The following JAKMIP1 variants were observed in gnomAD, a reference collection of about 807,000 sequenced individuals.
JAKMIP1 encodes the protein janus kinase and microtubule-interacting protein 1.
A neutral mutation model predicts 113.0 loss-of-function variants in JAKMIP1; 33 were observed. That is an observed-to-expected ratio of 0.29 (90% CI 0.22 to 0.39). The LOEUF is 0.39. Ranked by LOEUF, JAKMIP1 falls within the 10% of genes least tolerant of loss-of-function variation. The pLI, the probability that JAKMIP1 is intolerant of heterozygous loss-of-function variation, is 1.00. For missense variants in JAKMIP1, 813 were observed against 1,080.5 expected (o/e 0.75, Z 3.47); for synonymous variants, 480 against 459.9 (o/e 1.04, Z -0.56).
chr4:6,031,535 G>A lies in JAKMIP1; in HGVS notation c.2380-1754C>T, dbSNP rs138148772. 4.6e-5 allele frequency among the ~76,000 whole-genome samples: 7 copies of A among 152,320 alleles called. No individual in the cohort carries two copies. In the East Asian group the frequency reaches 1.2e-3, roughly 25 times the overall value. On this transcript the variant is annotated intron_variant, in intron 19 of 20. Transcript: ENST00000409021. The surrounding 1 kb of genome is among the most constrained non-coding windows in gnomAD (Gnocchi z 4.4). The stretch of plus-strand genomic sequence containing the variant: ...CAAGAGGGGAAAGGAATTCCAGGCA[G>A]AGGGAACGGCATGTGCAGGAGGCCA...
intron 1 of JAKMIP1, among the ~76,000 whole-genome samples, chr4:6,132,617 G>T (rs1252998227): frequency 6.8e-6 from 1 of 148,118 alleles, no homozygotes; most frequent in Non-Finnish European, 1.5e-5. Flanking sequence ...ACTCCAGCCT[G>T]TGTGACAGAG....
At position 6,062,353 on chromosome 4, in the gene JAKMIP1, C is replaced by T; in HGVS notation, c.1519G>A (p.Glu507Lys). 1 of 1,613,556 alleles carries T rather than the reference C, an allele frequency of 6.2e-7. No homozygotes were observed. The highest frequency in any genetic ancestry group is 8.5e-7 in the Non-Finnish European group (1 of 1,179,988). The change falls in exon 10 of 21, where the codon GAG becomes AAG. Residue 507 changes from glutamate (E) to lysine (K), a missense_variant. Physicochemically the swap from Glu to Lys is moderately conservative, Grantham distance 56. Around this residue, in one of 2 missense-constraint regions of JAKMIP1, gnomAD observed 273 missense variants for 426.6 expected, o/e 0.64. Coordinates refer to ENST00000409021, the MANE Select transcript of JAKMIP1 (RefSeq NM_001099433.2). ...GCGTCCAGCGTGCCTCCCACCTGCT[C>T]CTGGAGCAGGGCGTAGGCGCGTTGC... The part of the protein sequence containing the change: ...ALQRAYALLQ[E>K]QVGGTLDAER...
In JAKMIP1 at chr4:6,140,109, T is replaced by C. The variant is rs940436490; in HGVS notation, c.-147-27112A>G. ...TAGATGGATTGAGATGTACTGAGAA[T>C]AGCTATGAACTATTGTCCCAGTTTT... On this transcript the variant is annotated intron_variant, in intron 1 of 20. Coordinates refer to ENST00000409021, the MANE Select transcript of JAKMIP1 (RefSeq NM_001099433.2). The surrounding 1 kb of genome is among the most constrained non-coding windows in gnomAD (Gnocchi z 9.4). Among the ~76,000 whole-genome samples the C allele has an allele frequency of 9.8e-5, 15 of 152,288 alleles. 1 individual carries two copies. The highest frequency in any genetic ancestry group is 7.8e-4 in the Admixed American group (12 of 15,306).
At chr4:6,118,161 A>G (rs1280432774) in intron 1 of JAKMIP1, among the ~76,000 whole-genome samples, 2 of 152,258 alleles carry the variant, frequency 1.3e-5, no homozygotes, top group East Asian at 3.8e-4. Context: ...GACAGGCATA[A>G]GAAATTACAA....
rs970797678 is a variant in JAKMIP1, at chr4:6,179,476, C to T, written c.-148+20777G>A. Among the ~76,000 whole-genome samples, 1 of 152,226 alleles carries T rather than the reference C, an allele frequency of 6.6e-6. No homozygotes were observed. Among genetic ancestry groups the T allele is most frequent in the Non-Finnish European group, 1.5e-5 (1 of 68,038 alleles). ...ACCACCACCTCCTTCCTCTACCTTCCTGACACCCCCTACAGGCACCGTCAA... is the reference window on the plus strand; with the variant it reads ...ACCACCACCTCCTTCCTCTACCTTCTTGACACCCCCTACAGGCACCGTCAA... On this transcript the variant is annotated intron_variant, in intron 1 of 20. Transcript: ENST00000409021. The surrounding 1 kb of genome is among the most constrained non-coding windows in gnomAD (Gnocchi z 4.5).
chr4:6,151,162 C>T (rs1022390819), intron 1 of JAKMIP1, among the ~76,000 whole-genome samples: 5 of 152,194 alleles, frequency 3.3e-5, no homozygotes, highest in Admixed American at 2.0e-4. Context: ...GGCCATAGCA[C>T]CCTACATGCC....
Position 6,097,120 on chromosome 4 carries a change from G to A in JAKMIP1, c.624+8353C>T, listed in dbSNP as rs1711928582. 6.6e-6 allele frequency among the ~76,000 whole-genome samples: 1 copy of A among 152,106 alleles called. No homozygotes were observed. Among genetic ancestry groups the A allele is most frequent in the Admixed American group, 6.5e-5 (1 of 15,270 alleles). ...GGCTTCAAGCAATCCTCCCACCTGGGCCTCCTGAGTAGCTGGGACTACAGG... is the reference window on the plus strand; with the variant it reads ...GGCTTCAAGCAATCCTCCCACCTGGACCTCCTGAGTAGCTGGGACTACAGG... On this transcript the variant is annotated intron_variant, in intron 3 of 20. Coordinates refer to ENST00000409021, the MANE Select transcript of JAKMIP1 (RefSeq NM_001099433.2). The surrounding 1 kb of genome is among the most constrained non-coding windows in gnomAD (Gnocchi z 4.3).
chr4:6,130,477 C>T (rs576517245), intron 1 of JAKMIP1, among the ~76,000 whole-genome samples: 2 of 152,314 alleles, frequency 1.3e-5, no homozygotes, highest in African/African-American at 2.4e-5. Context: ...TTACCAAATG[C>T]ATCATGTCTG....
rs942909044 is a variant in JAKMIP1 at position 6,156,426 on chromosome 4, C to A, written c.-147-43429G>T. Among the ~76,000 whole-genome samples the A allele has an allele frequency of 6.6e-6, 1 of 152,180 alleles. No individual in the cohort carries two copies. Among genetic ancestry groups the A allele is most frequent in the Non-Finnish European group, 1.5e-5 (1 of 68,034 alleles). ...AGCTTAGATTTAATAAAATACGGTA[C>A]CTAACAGAGTCCAGAATTCTGATTT... On this transcript the variant is annotated intron_variant, in intron 1 of 20. Transcript: ENST00000409021. This position sits in a 1 kb window ranked among gnomAD's most constrained non-coding sequence, Gnocchi z 5.0.
intron 1 of JAKMIP1, among the ~76,000 whole-genome samples, chr4:6,133,335 CA>C (rs1415997467): frequency 6.6e-6 from 1 of 152,208 alleles, no homozygotes; most frequent in East Asian, 1.9e-4. Context: ...GACGTACAAC[CA>C]TAAACATTTT....
intron 3 of JAKMIP1, among the ~76,000 whole-genome samples, chr4:6,103,939 A>T (rs987883028): frequency 2.0e-5 from 3 of 151,768 alleles, no homozygotes; most frequent in African/African-American, 7.3e-5. Context: ...GAATTTGTTG[A>T]TTTTCTTTAT....
At chr4:6,177,434 T>A (rs1457633986) in intron 1 of JAKMIP1, among the ~76,000 whole-genome samples, 1 of 152,136 alleles carries the variant, frequency 6.6e-6, no homozygotes, top group Non-Finnish European at 1.5e-5. Context: ...AGCCACATCA[T>A]CACCTACTCC....
At position 6,139,782 on chromosome 4, in the gene JAKMIP1, TA is replaced by T. The variant is rs1719837588; in HGVS notation, c.-147-26786del. On this transcript the variant is annotated intron_variant, in intron 1 of 20. Transcript: ENST00000409021. This position sits in a 1 kb window ranked among gnomAD's most constrained non-coding sequence, Gnocchi z 5.2. ...CTCCATCTCAAAATATAAAATAAAA[TA>T]AAATAAAATAAAATAAAATAAGGAA... 1.3e-5 allele frequency among the ~76,000 whole-genome samples: 2 copies of T among 148,982 alleles called. No homozygotes were observed. The highest frequency in any genetic ancestry group is 4.9e-5 in the African/African-American group (2 of 40,706).
At chr4:6,072,841 G>A (rs374729554) in intron 8 of JAKMIP1, among the ~76,000 whole-genome samples, 77 of 152,266 alleles carry the variant, frequency 5.1e-4, no homozygotes, top group African/African-American at 1.8e-3. Flanking sequence ...GACTTTGGGA[G>A]GCCGAGGCAG....
At chr4:6,122,173 C>T (rs540574703) in intron 1 of JAKMIP1, among the ~76,000 whole-genome samples, 24 of 152,152 alleles carry the variant, frequency 1.6e-4, no homozygotes, top group Admixed American at 3.9e-4. Flanking sequence ...AGTGAAACCC[C>T]GTCTCTACTA....
At position 6,192,939 on chromosome 4, in the gene JAKMIP1, T is replaced by C. The variant is rs1446719110; in HGVS notation, c.-148+7314A>G. Among the ~76,000 whole-genome samples, 2 of 152,130 alleles carry C rather than the reference T, an allele frequency of 1.3e-5. No individual in the cohort carries two copies. The highest frequency in any genetic ancestry group is 4.8e-5 in the African/African-American group (2 of 41,414). On this transcript the variant is annotated intron_variant, in intron 1 of 20. Coordinates refer to ENST00000409021, the MANE Select transcript of JAKMIP1 (RefSeq NM_001099433.2). The surrounding 1 kb of genome is among the most constrained non-coding windows in gnomAD (Gnocchi z 5.0). The stretch of plus-strand genomic sequence containing the variant: ...AACTTGATTGGTGAAGGATGCAAAG[T>C]ATTGTTCCTGGGTGTGTCTGTGAGG...
chr4:6,036,968 C>T (rs1223302904), intron 18 of JAKMIP1, among the ~76,000 whole-genome samples: 8 of 131,562 alleles, frequency 6.1e-5, no homozygotes, highest in African/African-American at 2.0e-4. Context: ...ATCACCGAGG[C>T]AGAGGCTAAC....
chr4:6,116,073 G>C lies in JAKMIP1; in HGVS notation c.-147-3076C>G, dbSNP rs1715725633. On this transcript the variant is annotated intron_variant, in intron 1 of 20. Coordinates refer to ENST00000409021, the MANE Select transcript of JAKMIP1 (RefSeq NM_001099433.2). This position sits in a 1 kb window ranked among gnomAD's most constrained non-coding sequence, Gnocchi z 5.1. ...CCCCATGCCAGACACTGCCAGGCTGGGCCACAGTGAGTGTGGAGACGAATG... is the reference window on the plus strand; with the variant it reads ...CCCCATGCCAGACACTGCCAGGCTGCGCCACAGTGAGTGTGGAGACGAATG... Among the ~76,000 whole-genome samples the C allele has an allele frequency of 6.6e-6, 1 of 152,120 alleles. No homozygotes were observed. Among genetic ancestry groups the C allele is most frequent in the African/African-American group, 2.4e-5 (1 of 41,414 alleles).
chr4:6,113,517 G>A (rs1038817649), intron 1 of JAKMIP1, among the ~76,000 whole-genome samples: 3 of 152,204 alleles, frequency 2.0e-5, no homozygotes, highest in African/African-American at 7.2e-5. Flanking sequence ...CGATTTCAGA[G>A]GTTAGTGGTT....
Sources: gnomAD v4.1 joint callset for allele counts (sites outside exome capture counted in the v4.1 genomes callset) on GRCh38, gnomAD v4.1.1 for gene constraint, gnomAD v4.1.1 regional missense constraint, Gnocchi (gnomAD v3.1) non-coding constraint, MANE v1.5 for transcripts, NCBI Gene and HGNC (gene_info 2026-07-23, HGNC 2026-07-21) for gene names.